Variants in KCNH1 observed in about 807,000 individuals in gnomAD.
KCNH1 encodes the protein potassium voltage-gated channel subfamily H member 1.
In KCNH1, 27 loss-of-function variants were observed where a neutral mutation model predicts 69.2. That is an observed-to-expected ratio of 0.39 (90% CI 0.29 to 0.54). KCNH1 has a LOEUF of 0.54. KCNH1 is among the 20% of genes least tolerant of loss of function. The probability of loss-of-function intolerance (pLI) is 0.68; values close to 1 mark genes in which losing one functional copy is unlikely to be tolerated. For synonymous variants in KCNH1, 456 were observed against 487.7 expected (o/e 0.93, Z 0.86); for missense variants, 798 against 1,261.6 (o/e 0.63, Z 5.57).
intron 9 of KCNH1, among the ~76,000 whole-genome samples, chr1:210,785,275 A>G (rs1684072029): frequency 6.6e-6 from 1 of 152,206 alleles, no homozygotes; most frequent in Non-Finnish European, 1.5e-5. Flanking sequence ...CAATTTTTCC[A>G]AAAAGCAGGA....
chr1:210,766,572 TA>T (rs1392371352), intron 10 of KCNH1, among the ~76,000 whole-genome samples: 1 of 152,146 alleles, frequency 6.6e-6, no homozygotes, highest in Non-Finnish European at 1.5e-5. Flanking sequence ...TGATTGTTGC[TA>T]ATTGGATTAA....
intron 9 of KCNH1, 143 bp from the exon 10 acceptor site, chr1:210,775,687 GA>G: frequency 1.7e-6 from 1 of 600,338 alleles, no homozygotes; most frequent in East Asian, 2.8e-5. Context: ...ATTTTAACGT[GA>G]ACCTTAATAA....
intron 7 of KCNH1, among the ~76,000 whole-genome samples, chr1:210,899,122 G>T (rs1291415248): frequency 6.6e-6 from 1 of 152,142 alleles, no homozygotes; most frequent in African/African-American, 2.4e-5. Context: ...GATTCCCTGA[G>T]ACCCTTTCAG....
chr1:211,133,958 T>TC lies in KCNH1; in HGVS notation c.-14dup, dbSNP rs1204936842. On this transcript the variant is annotated 5_prime_UTR_variant, in exon 1 of 11. Coordinates refer to ENST00000271751, the MANE Select transcript of KCNH1 (RefSeq NM_172362.3). The surrounding 1 kb of genome is among the most constrained non-coding windows in gnomAD (Gnocchi z 5.4). ...CAGCCATGGTCATCCTCCCAGCAGC[T>TC]CGGGGTCCGGCGGGCGTCCTGGCGC... 6.2e-7 allele frequency: 1 copy of TC among 1,605,632 alleles called. No homozygotes were observed. Among genetic ancestry groups the TC allele is most frequent in the East Asian group, 2.3e-5 (1 of 43,902 alleles).
At chr1:211,104,194 G>A (rs1025346295) in intron 2 of KCNH1, among the ~76,000 whole-genome samples, 4 of 152,110 alleles carry the variant, frequency 2.6e-5, no homozygotes, top group African/African-American at 7.2e-5. Context: ...AGGAGACCAC[G>A]GCATTATAAG....
At chr1:210,717,123 G>A (rs937084415) in intron 10 of KCNH1, among the ~76,000 whole-genome samples, 5 of 152,136 alleles carry the variant, frequency 3.3e-5, no homozygotes, top group Admixed American at 6.5e-5. Context: ...CTGGGGTCAG[G>A]TGAGATACCA....
At chr1:211,020,192 G>C (rs777969272) in intron 5 of KCNH1, among the ~76,000 whole-genome samples, 1 of 151,262 alleles carries the variant, frequency 6.6e-6, no homozygotes, top group Non-Finnish European at 1.5e-5. Flanking sequence ...AAATACAAAA[G>C]AGCAATGAAA....
chr1:211,123,876 G>A (rs1691731912), intron 1 of KCNH1, among the ~76,000 whole-genome samples: 1 of 152,224 alleles, frequency 6.6e-6, no homozygotes, highest in South Asian at 2.1e-4. Flanking sequence ...AGAAAACCAG[G>A]AAACCCGGAA....
chr1:210,762,933 C>T (rs1013073207), intron 10 of KCNH1, among the ~76,000 whole-genome samples: 3 of 152,020 alleles, frequency 2.0e-5, no homozygotes, highest in South Asian at 2.1e-4. Flanking sequence ...AAGAAAACTA[C>T]AGATCAATAT....
chr1:210,696,665 C>T (rs1214106563), intron 10 of KCNH1, among the ~76,000 whole-genome samples: 1 of 152,194 alleles, frequency 6.6e-6, no homozygotes. Flanking sequence ...GCTAATGTCA[C>T]CCTTGCCACT....
chr1:210,720,939 G>T (rs972129019), intron 10 of KCNH1, among the ~76,000 whole-genome samples: 5 of 152,142 alleles, frequency 3.3e-5, no homozygotes, highest in African/African-American at 1.2e-4. Context: ...CATTGATGTT[G>T]TCTCTCCCCC....
intron 7 of KCNH1, among the ~76,000 whole-genome samples, chr1:210,905,820 T>C (rs531059388): frequency 1.3e-5 from 2 of 152,312 alleles, no homozygotes; most frequent in South Asian, 2.1e-4. Context: ...CACTTTTCTG[T>C]GCCTCACTTC....
chr1:211,078,129 G>C (rs1690771677), intron 5 of KCNH1, among the ~76,000 whole-genome samples: 1 of 152,174 alleles, frequency 6.6e-6, no homozygotes, highest in African/African-American at 2.4e-5. Context: ...CAAGTCCTTA[G>C]AGACCTTAAA....
intron 10 of KCNH1, among the ~76,000 whole-genome samples, chr1:210,766,025 T>C (rs1683623746): frequency 1.3e-5 from 2 of 151,924 alleles, no homozygotes; most frequent in South Asian, 4.2e-4. Flanking sequence ...ATCGCGCCAC[T>C]GCACCCCAGC....
chr1:210,799,341 C>A (rs1443651168), intron 8 of KCNH1, among the ~76,000 whole-genome samples: 1 of 152,150 alleles, frequency 6.6e-6, no homozygotes, highest in Non-Finnish European at 1.5e-5. Context: ...GACATTAGAG[C>A]CTGGTTTAGA....
At chr1:210,740,026 A>AT (rs1183887812) in intron 10 of KCNH1, among the ~76,000 whole-genome samples, 1 of 152,222 alleles carries the variant, frequency 6.6e-6, no homozygotes, top group Non-Finnish European at 1.5e-5. Context: ...CAGGGACTCT[A>AT]TAGAGTTAAA....
chr1:210,934,657 G>C (rs563160677), intron 6 of KCNH1, among the ~76,000 whole-genome samples: 1 of 151,808 alleles, frequency 6.6e-6, no homozygotes, highest in Non-Finnish European at 1.5e-5. Flanking sequence ...AAAATTGGCA[G>C]ATGATCTGAA....
rs970087539 is a variant in KCNH1, at chr1:210,682,595, C to T, written c.*686G>A. On this transcript the variant is annotated 3_prime_UTR_variant, in exon 11 of 11. Coordinates refer to ENST00000271751, the MANE Select transcript of KCNH1 (RefSeq NM_172362.3). The stretch of plus-strand genomic sequence containing the variant: ...GAGAACCCCTGGATCTTAAGGGCCC[C>T]TCTCCAGCTCTTACCCTTGCCTCAC... The T allele has an allele frequency of 6.6e-6, 1 of 152,598 alleles. No homozygotes were observed. Among genetic ancestry groups the T allele is most frequent in the Non-Finnish European group, 1.5e-5 (1 of 68,386 alleles). 9.5% of individuals were successfully genotyped at this position (152,598 alleles called of 1,614,324 possible).
At chr1:211,001,722 T>C (rs1210316842) in intron 6 of KCNH1, among the ~76,000 whole-genome samples, 7 of 152,146 alleles carry the variant, frequency 4.6e-5, no homozygotes, top group African/African-American at 1.4e-4. Context: ...CACGTATGTT[T>C]ATTGCGGCGC....
Sources: gnomAD v4.1 joint callset for allele counts (sites outside exome capture counted in the v4.1 genomes callset) on GRCh38, gnomAD v4.1.1 for gene constraint, Gnocchi (gnomAD v3.1) non-coding constraint, MANE v1.5 for transcripts, NCBI Gene and HGNC (gene_info 2026-07-23, HGNC 2026-07-21) for gene names.